Variants in OMA1 observed in about 807,000 individuals in gnomAD.
OMA1 encodes metalloendopeptidase OMA1, mitochondrial.
OMA1 carries 38 observed loss-of-function variants against 30.9 expected under a neutral mutation model. That is an observed-to-expected ratio of 1.23 (90% CI 0.95 to 1.61). OMA1 has a LOEUF of 1.61. Among genes scored for constraint, OMA1 ranks in the 40% most tolerant of loss-of-function variants. OMA1 has a pLI of 0.00. For synonymous variants in OMA1, 173 were observed against 121.9 expected, an observed-to-expected ratio of 1.42 and a Z score of -2.76; for missense variants, 461 against 349.2, an observed-to-expected ratio of 1.32 and a Z score of -2.55.
chr1:58,527,116 A>G (rs997687455), intron 7 of OMA1, 145 bp downstream of exon 7: 7 of 586,962 alleles, frequency 1.2e-5, no homozygotes, highest in East Asian at 2.8e-5. Context: ...ATAATCTTCA[A>G]ATTTCTAGAT....
At chr1:58,500,505 T>C (rs1199424180) in intron 8 of OMA1, among the ~76,000 whole-genome samples, 1 of 152,132 alleles carries the variant, frequency 6.6e-6, no homozygotes, top group Non-Finnish European at 1.5e-5. Flanking sequence ...TTCCTGAAAG[T>C]ATAAAGGATT....
intron 8 of OMA1, among the ~76,000 whole-genome samples, chr1:58,496,452 T>C (rs1478345785): frequency 6.6e-6 from 1 of 152,214 alleles, no homozygotes; most frequent in Non-Finnish European, 1.5e-5. Flanking sequence ...CCGCCTTGCC[T>C]GTCCTCTCCC....
At chr1:58,490,792 A>ATT (rs1557438593) in intron 8 of OMA1, among the ~76,000 whole-genome samples, 13 of 97,272 alleles carry the variant, frequency 1.3e-4, no homozygotes, top group East Asian at 3.5e-4. Flanking sequence ...AATAGTCAAC[A>ATT]TTCTTTTTTT....
In OMA1 at chr1:58,480,954, T is replaced by C; in HGVS notation, c.*11A>G. The C allele has an allele frequency of 1.2e-6, 1 of 856,806 alleles. No homozygotes were observed. The highest frequency in any genetic ancestry group is 2.0e-6 in the Non-Finnish European group (1 of 494,640). 53.1% of individuals were successfully genotyped at this position (856,806 alleles called of 1,614,324 possible). On this transcript the variant is annotated 3_prime_UTR_variant, in exon 9 of 9. Transcript: ENST00000371226. ...CATTCTTCATATATCTTGTGTCTCA[T>C]AAATTTTAATTCAACTGCCCGTTCT...
At chr1:58,483,664 A>G (rs186073019) in intron 8 of OMA1, among the ~76,000 whole-genome samples, 1 of 152,314 alleles carries the variant, frequency 6.6e-6, no homozygotes, top group Admixed American at 6.5e-5. Context: ...CACTTACAGC[A>G]CTTAAGTAAA....
In OMA1 at chr1:58,499,133, A is replaced by C. The variant is rs913913445; in HGVS notation, c.1365+6927T>G. Among the ~76,000 whole-genome samples the C allele has an allele frequency of 1.2e-4, 19 of 152,058 alleles. No individual in the cohort carries two copies. In the East Asian group the frequency reaches 3.7e-3, roughly 29 times the overall value. ...ATGCTAAGTGAAATAAGCCAGGTAC[A>C]GAAAGAAAAATACTATACAGTCTCA... On this transcript the variant is annotated intron_variant, in intron 8 of 8. Transcript: ENST00000371226.
chr1:58,491,811 T>G, intron 8 of OMA1, among the ~76,000 whole-genome samples: 1 of 152,096 alleles, frequency 6.6e-6, no homozygotes. Context: ...CACACAATAA[T>G]AATGGGAGAC....
chr1:58,529,345 G>A (rs1316210709), intron 6 of OMA1, among the ~76,000 whole-genome samples: 1 of 152,144 alleles, frequency 6.6e-6, no homozygotes, highest in Non-Finnish European at 1.5e-5. Flanking sequence ...CCTGGGACAA[G>A]AGGAAATATT....
intron 3 of OMA1, among the ~76,000 whole-genome samples, chr1:58,534,857 G>C (rs1177922094): frequency 6.6e-6 from 1 of 152,144 alleles, no homozygotes; most frequent in East Asian, 1.9e-4. Context: ...GATCGCTTGA[G>C]TCTAGGAGGT....
chr1:58,486,655 G>A (rs1645580415), intron 8 of OMA1, among the ~76,000 whole-genome samples: 1 of 152,156 alleles, frequency 6.6e-6, no homozygotes, highest in Non-Finnish European at 1.5e-5. Flanking sequence ...GGTAATTTTA[G>A]TTAAGTACAT....
Position 58,480,948 on chromosome 1 carries a change from G to A in OMA1, c.*17C>T. On this transcript the variant is annotated 3_prime_UTR_variant, in exon 9 of 9. Transcript: ENST00000371226. ...CTGCAACATTCTTCATATATCTTGT[G>A]TCTCATAAATTTTAATTCAACTGCC... is the stretch of plus-strand genomic sequence containing the variant. 3 of 848,152 alleles carry A rather than the reference G, an allele frequency of 3.5e-6. No homozygotes were observed. The highest frequency in any genetic ancestry group is 6.1e-6 in the Non-Finnish European group (3 of 490,578). 52.5% of individuals were successfully genotyped at this position (848,152 alleles called of 1,614,324 possible). A position where few individuals can be genotyped will look rare whatever the true frequency, so the allele number is the denominator to read the frequency against.
At chr1:58,488,845 C>A (rs1645623085) in intron 8 of OMA1, among the ~76,000 whole-genome samples, 1 of 152,246 alleles carries the variant, frequency 6.6e-6, no homozygotes, top group Middle Eastern at 3.2e-3. Context: ...ATCCTCATAG[C>A]TTAGCTCCCA....
intron 2 of OMA1, among the ~76,000 whole-genome samples, chr1:58,538,268 A>C (rs1195907886): frequency 5.3e-5 from 8 of 152,222 alleles, no homozygotes; most frequent in Admixed American, 4.6e-4. Flanking sequence ...AAGGAAAAAA[A>C]CAAAGATTTG....
chr1:58,496,479 A>T (rs1479268685), intron 8 of OMA1, among the ~76,000 whole-genome samples: 1 of 152,082 alleles, frequency 6.6e-6, no homozygotes, highest in East Asian at 1.9e-4. Flanking sequence ...TAACATTTTT[A>T]AGTTTGACTT....
At position 58,523,532 on chromosome 1, in the gene OMA1, T is replaced by C. The variant is rs190911104; in HGVS notation, c.1215+3729A>G. Among the ~76,000 whole-genome samples, 5 of 152,248 alleles carry C rather than the reference T, an allele frequency of 3.3e-5. No individual in the cohort carries two copies. In the East Asian group the frequency reaches 7.7e-4, roughly 24 times the overall value. ...TAGGAATGTTGTGTTTGGGGGCAAGTAGACCATTTGGACGCCTTCAGTGTT... is the reference window on the plus strand; with the variant it reads ...TAGGAATGTTGTGTTTGGGGGCAAGCAGACCATTTGGACGCCTTCAGTGTT... On this transcript the variant is annotated intron_variant, in intron 7 of 8. Coordinates refer to ENST00000371226, the MANE Select transcript of OMA1 (RefSeq NM_145243.5).
At chr1:58,512,781 A>G (rs185377990) in intron 7 of OMA1, among the ~76,000 whole-genome samples, 1 of 152,300 alleles carries the variant, frequency 6.6e-6, no homozygotes, top group East Asian at 1.9e-4. Context: ...TTCAATGGAT[A>G]TAAAGTCTCA....
rs1194614573 is a variant in OMA1, at chr1:58,518,267, AGAGAGGAGAG to A, written c.1215+8984_1215+8993del. On this transcript the variant is annotated intron_variant, in intron 7 of 8. Coordinates refer to ENST00000371226, the MANE Select transcript of OMA1 (RefSeq NM_145243.5). ...GAGGGGAGAGGGGAGAGGGGAGAGG[AGAGAGGAGAG>A]GAGAAGAGAAGAGAAGAGAAGAGAA... 4.6e-3 allele frequency among the ~76,000 whole-genome samples: 4 copies of A among 874 alleles called. 1 individual carries two copies. Among genetic ancestry groups the A allele is most frequent in the African/African-American group, 6.0e-3 (2 of 336 alleles). 0.6% of individuals were successfully genotyped at this position (874 alleles called of 152,430 possible).
chr1:58,542,767 C>T (rs1646641620), intron 1 of OMA1, among the ~76,000 whole-genome samples: 1 of 152,184 alleles, frequency 6.6e-6, no homozygotes, highest in South Asian at 2.1e-4. Context: ...AAATGTGCAT[C>T]TTACAGCCTC....
At chr1:58,535,245 A>G (rs1646497515) in intron 3 of OMA1, among the ~76,000 whole-genome samples, 1 of 152,184 alleles carries the variant, frequency 6.6e-6, no homozygotes, top group South Asian at 2.1e-4. Flanking sequence ...GTGTACTGAG[A>G]AAATTAAAAA....
Sources: allele counts gnomAD v4.1 joint callset (sites outside exome capture counted in the v4.1 genomes callset), GRCh38; gene constraint gnomAD v4.1.1; transcripts MANE v1.5; gene names NCBI Gene and HGNC (gene_info 2026-07-23, HGNC 2026-07-21).